The following PIEZO2 variants were observed in gnomAD, a reference collection of about 807,000 sequenced individuals.
The protein encoded by PIEZO2 is piezo-type mechanosensitive ion channel component 2.
In PIEZO2, 172 loss-of-function variants were observed where a neutral mutation model predicts 337.3. That is an observed-to-expected ratio of 0.51 (90% CI 0.45 to 0.58). The LOEUF is 0.58. PIEZO2 is among the 20% of genes least tolerant of loss of function. PIEZO2 has a pLI of 0.00. For synonymous variants in PIEZO2, 1,251 were observed against 1,228.5 expected, an observed-to-expected ratio of 1.02 and a Z score of -0.38; for missense variants, 3,028 against 3,391.3, an observed-to-expected ratio of 0.89 and a Z score of 2.66.
chr18:11,091,431 A>C (rs2039089559), intron 1 of PIEZO2, among the ~76,000 whole-genome samples: 1 of 152,078 alleles, frequency 6.6e-6, no homozygotes, highest in Non-Finnish European at 1.5e-5. Context: ...AAAGAAAAGA[A>C]ATATTTTCTA....
rs1385256592 is a variant in PIEZO2 at position 10,861,196 on chromosome 18, C to A, written c.493-3985G>T. Among the ~76,000 whole-genome samples the A allele has an allele frequency of 6.6e-6, 1 of 152,212 alleles. No homozygotes were observed. The highest frequency in any genetic ancestry group is 1.5e-5 in the Non-Finnish European group (1 of 68,044). ...TTGCTGGAGCTGTAAGCTGTCCCTG[C>A]AGCGGAACAGAACTTCAATCTGGCC... On this transcript the variant is annotated intron_variant, in intron 5 of 55. Coordinates refer to ENST00000674853, the MANE Select transcript of PIEZO2 (RefSeq NM_001378183.1). The surrounding 1 kb of genome is among the most constrained non-coding windows in gnomAD (Gnocchi z 4.3).
At chr18:10,927,283 T>A (rs1450554596) in intron 3 of PIEZO2, among the ~76,000 whole-genome samples, 1 of 152,210 alleles carries the variant, frequency 6.6e-6, no homozygotes, top group Non-Finnish European at 1.5e-5. Flanking sequence ...CTCAAGTTCT[T>A]GGCTCAGCAA....
chr18:11,014,296 C>G, intron 2 of PIEZO2, among the ~76,000 whole-genome samples: 1 of 67,986 alleles, frequency 1.5e-5, no homozygotes, highest in Admixed American at 1.5e-4. Context: ...GTGGTAGGCA[C>G]GTCACCCTGG....
At chr18:11,051,372 TGTGG>T (rs1276959494) in intron 2 of PIEZO2, among the ~76,000 whole-genome samples, 46 of 151,442 alleles carry the variant, frequency 3.0e-4, no homozygotes, top group African/African-American at 1.1e-3. Context: ...TGTGTGTGGG[TGTGG>T]GTGTGGGTGT....
intron 33 of PIEZO2, chr18:10,738,248 C>G (rs1484536044): frequency 6.6e-6 from 1 of 152,204 alleles, no homozygotes; most frequent in African/African-American, 2.4e-5. Flanking sequence ...GATGTGGACT[C>G]TACATCACGT....
At chr18:11,018,570 G>A (rs1372558241) in intron 2 of PIEZO2, among the ~76,000 whole-genome samples, 4 of 152,088 alleles carry the variant, frequency 2.6e-5, no homozygotes, top group African/African-American at 4.8e-5. Flanking sequence ...CTGAAGAATC[G>A]CCAGCAGCCA....
rs1207778134 is a variant in PIEZO2, at chr18:10,784,849, A to T, written c.2427T>A (p.His809Gln). The T allele has an allele frequency of 1.3e-6, 2 of 1,537,812 alleles. No individual in the cohort carries two copies. Among genetic ancestry groups the T allele is most frequent in the Non-Finnish European group, 1.7e-6 (2 of 1,146,994 alleles). The change falls in exon 17 of 56, where the codon CAT becomes CAA. Residue 809 changes from histidine (H) to glutamine (Q), a missense_variant. By Grantham distance (24) the His-to-Gln change is conservative. Transcript: ENST00000674853. This position sits in a 1 kb window ranked among gnomAD's most constrained non-coding sequence, Gnocchi z 4.5. ...LVCILHLHYFHDRFLELTDLK... is the reference protein window; with the variant it reads ...LVCILHLHYFQDRFLELTDLK... ...GGTCTGTGAGTTCAAGGAACCGGTC[A>T]TGGAAGTAGTGCAGGTGTAAAATGC... is the stretch of plus-strand genomic sequence containing the variant.
intron 1 of PIEZO2, among the ~76,000 whole-genome samples, chr18:11,122,327 A>G (rs961623795): frequency 9.9e-5 from 15 of 152,184 alleles, no homozygotes; most frequent in African/African-American, 3.6e-4. Context: ...ATCAAGATTT[A>G]CTTTTTAACA....
intron 27 of PIEZO2, among the ~76,000 whole-genome samples, chr18:10,757,670 A>G (rs1208680986): frequency 6.6e-6 from 1 of 151,730 alleles, no homozygotes; most frequent in Non-Finnish European, 1.5e-5. Context: ...ATAAGAGATG[A>G]GCAGGAGGAC....
In PIEZO2 at chr18:10,766,886, A is replaced by G. The variant is rs564868282; in HGVS notation, c.2946+3262T>C. On this transcript the variant is annotated intron_variant, in intron 21 of 55. Transcript: ENST00000674853. This position sits in a 1 kb window ranked among gnomAD's most constrained non-coding sequence, Gnocchi z 6.1. ...TGAGTCCTTAATAAAGGCTCAATGAATGCTTAGTGAGAGTGAAAATAATAA... is the reference window on the plus strand; with the variant it reads ...TGAGTCCTTAATAAAGGCTCAATGAGTGCTTAGTGAGAGTGAAAATAATAA... 1.8e-4 allele frequency among the ~76,000 whole-genome samples: 28 copies of G among 152,338 alleles called. No homozygotes were observed. In the South Asian group the frequency reaches 5.8e-3, roughly 32 times the overall value.
At chr18:10,860,047 GGA>G (rs1252120569) in intron 5 of PIEZO2, among the ~76,000 whole-genome samples, 1 of 152,120 alleles carries the variant, frequency 6.6e-6, no homozygotes. Context: ...GATTGGAGAC[GGA>G]GAGTCCACAT....
At chr18:10,966,320 C>T (rs1304932714) in intron 3 of PIEZO2, among the ~76,000 whole-genome samples, 2 of 152,214 alleles carry the variant, frequency 1.3e-5, no homozygotes, top group African/African-American at 4.8e-5. Context: ...TTCTCTGCTA[C>T]ATCATCGCCA....
At chr18:10,753,679 T>G (rs1273939978) in intron 27 of PIEZO2, among the ~76,000 whole-genome samples, 2 of 152,204 alleles carry the variant, frequency 1.3e-5, no homozygotes, top group African/African-American at 4.8e-5. Context: ...ATTCTTTGAT[T>G]AATGGGTTCT....
chr18:10,681,766 G>C lies in PIEZO2; in HGVS notation c.7687-13C>G. On this transcript the variant is annotated splice_polypyrimidine_tract_variant and intron_variant, in intron 50 of 55. Transcript: ENST00000674853. ...TTGTGAAAATAGGCTGGAAAACAAAGAGAACAGTGTTGTCAATATTCCCCA... is the reference window on the plus strand; with the variant it reads ...TTGTGAAAATAGGCTGGAAAACAAACAGAACAGTGTTGTCAATATTCCCCA... The C allele has an allele frequency of 6.3e-7, 1 of 1,579,648 alleles. No individual in the cohort carries two copies. The highest frequency in any genetic ancestry group is 8.7e-7 in the Non-Finnish European group (1 of 1,148,850).
chr18:11,117,929 T>C (rs2039933757), intron 1 of PIEZO2, among the ~76,000 whole-genome samples: 1 of 152,128 alleles, frequency 6.6e-6, no homozygotes, highest in Non-Finnish European at 1.5e-5. Flanking sequence ...TCAAAGAGGG[T>C]CCTAAGATCA....
rs556939731 is a variant in PIEZO2, at chr18:10,889,534, T to C, written c.330-18119A>G. On this transcript the variant is annotated intron_variant, in intron 4 of 55. Coordinates refer to ENST00000674853, the MANE Select transcript of PIEZO2 (RefSeq NM_001378183.1). The stretch of plus-strand genomic sequence containing the variant: ...GTTAAGGGCATTTAGAATAATAATC[T>C]GCATTTTACAGTAACCTCATAGGTG... Among the ~76,000 whole-genome samples, 4 of 152,346 alleles carry C rather than the reference T, an allele frequency of 2.6e-5. 1 individual carries two copies. In the South Asian group the frequency reaches 8.3e-4, roughly 32 times the overall value.
rs976210269 is a variant in PIEZO2 at position 10,993,540 on chromosome 18, G to A, written c.161-13880C>T. ...TGTTGTTGTTGTTGTTGTTGTTGTT[G>A]TTTTGAGGCGGAGTCTCGCTCTGTG... On this transcript the variant is annotated intron_variant, in intron 2 of 55. Coordinates refer to ENST00000674853, the MANE Select transcript of PIEZO2 (RefSeq NM_001378183.1). The surrounding 1 kb of genome is among the most constrained non-coding windows in gnomAD (Gnocchi z 5.0). 2.0e-4 allele frequency among the ~76,000 whole-genome samples: 30 copies of A among 150,864 alleles called. No homozygotes were observed. Among genetic ancestry groups the A allele is most frequent in the Middle Eastern group, 3.4e-3 (1 of 290 alleles).
chr18:10,983,573 CACA>C (rs1215795478), intron 2 of PIEZO2, among the ~76,000 whole-genome samples: 1 of 152,080 alleles, frequency 6.6e-6, no homozygotes, highest in East Asian at 1.9e-4. Flanking sequence ...GAAGAGAGTG[CACA>C]ACAACTGGTG....
chr18:11,110,369 G>A lies in PIEZO2; in HGVS notation c.64+38156C>T, dbSNP rs2146140054. Among the ~76,000 whole-genome samples, 1 of 152,346 alleles carries A rather than the reference G, an allele frequency of 6.6e-6. No homozygotes were observed. The highest frequency in any genetic ancestry group is 6.5e-5 in the Admixed American group (1 of 15,302). On this transcript the variant is annotated intron_variant, in intron 1 of 55. Coordinates refer to ENST00000674853, the MANE Select transcript of PIEZO2 (RefSeq NM_001378183.1). This position sits in a 1 kb window ranked among gnomAD's most constrained non-coding sequence, Gnocchi z 4.2. The stretch of plus-strand genomic sequence containing the variant: ...AAATATCGTTTTATTTAAGAAGACA[G>A]TAGAAAGATCATCCCACCCTGGGAG...
Sources: allele counts gnomAD v4.1 joint callset (sites outside exome capture counted in the v4.1 genomes callset), GRCh38; gene constraint gnomAD v4.1.1; non-coding constraint Gnocchi (gnomAD v3.1); transcripts MANE v1.5; gene names NCBI Gene and HGNC (gene_info 2026-07-23, HGNC 2026-07-21).